The following NCAM1 variants were observed in gnomAD, a reference collection of about 807,000 sequenced individuals.
NCAM1 encodes neural cell adhesion molecule 1.
NCAM1 carries 14 observed loss-of-function variants against 109.8 expected under a neutral mutation model. The observed-to-expected ratio is 0.13, with a 90% CI of 0.08 to 0.20. NCAM1 has a LOEUF of 0.20. NCAM1 is among the 10% of genes least tolerant of loss of function. The pLI, the probability that NCAM1 is intolerant of heterozygous loss-of-function variation, is 1.00. For synonymous variants in NCAM1, 418 were observed against 442.9 expected (o/e 0.94, Z 0.70); for missense variants, 774 against 1,109.9 (o/e 0.70, Z 4.30).
In NCAM1 at chr11:112,978,074, G is replaced by A. The variant is rs368862318; in HGVS notation, c.52+16410G>A. On this transcript the variant is annotated intron_variant, in intron 1 of 19. Coordinates refer to ENST00000316851, the MANE Select transcript of NCAM1 (RefSeq NM_181351.5). Reference sequence around the variant, plus strand: ...AGGATCCTGAACGTTGGGGTGAAGAGGAAAGTGACTCATCTTTCTATGATG... The same window carrying A: ...AGGATCCTGAACGTTGGGGTGAAGAAGAAAGTGACTCATCTTTCTATGATG... 4.0e-5 allele frequency among the ~76,000 whole-genome samples: 6 copies of A among 151,872 alleles called. No individual in the cohort carries two copies. In the East Asian group the frequency reaches 9.7e-4, roughly 25 times the overall value.
chr11:113,055,224 G>A (rs1166994668), intron 1 of NCAM1, among the ~76,000 whole-genome samples: 2 of 151,940 alleles, frequency 1.3e-5, no homozygotes, highest in African/African-American at 4.8e-5. Context: ...TGTATTGTTG[G>A]CTATAAATTA....
intron 1 of NCAM1, among the ~76,000 whole-genome samples, chr11:112,973,128 CT>C (rs1180773633): frequency 1.3e-5 from 2 of 152,132 alleles, no homozygotes; most frequent in African/African-American, 4.8e-5. Context: ...ATTTCTAGAC[CT>C]TTAAAAAATG....
At chr11:113,140,120 A>T (rs1941760223) in intron 1 of NCAM1, among the ~76,000 whole-genome samples, 1 of 152,204 alleles carries the variant, frequency 6.6e-6, no homozygotes, top group Non-Finnish European at 1.5e-5. Flanking sequence ...AGATGAAGAA[A>T]CAGCGCCCAT....
At chr11:113,114,342 G>T (rs1555094392) in intron 1 of NCAM1, among the ~76,000 whole-genome samples, 1 of 152,194 alleles carries the variant, frequency 6.6e-6, no homozygotes, top group Non-Finnish European at 1.5e-5. Context: ...GGTGCATTGT[G>T]CTTGGACTGA....
chr11:113,269,957 C>T, intron 17 of NCAM1: 1 of 577,798 alleles, frequency 1.7e-6, no homozygotes, highest in East Asian at 2.9e-5. Context: ...AGGCTCACCC[C>T]TGTTCCCCAA....
chr11:113,117,071 A>G (rs1459964873), intron 1 of NCAM1, among the ~76,000 whole-genome samples: 3 of 151,936 alleles, frequency 2.0e-5, no homozygotes, highest in African/African-American at 7.3e-5. Context: ...ATTGGCCTTC[A>G]ATATTTCATG....
intron 1 of NCAM1, among the ~76,000 whole-genome samples, chr11:113,106,477 A>G (rs1311504457): frequency 6.6e-6 from 1 of 152,348 alleles, no homozygotes; most frequent in South Asian, 2.1e-4. Context: ...AAGATAAAAA[A>G]CAGTTGAGTT....
intron 14 of NCAM1, among the ~76,000 whole-genome samples, chr11:113,237,915 GAT>G (rs1945216166): frequency 2.0e-5 from 1 of 49,540 alleles, no homozygotes. Context: ...GATATATATA[GAT>G]ATATAGATAT....
intron 1 of NCAM1, among the ~76,000 whole-genome samples, chr11:112,972,391 C>G (rs1188780149): frequency 2.0e-5 from 3 of 152,012 alleles, no homozygotes; most frequent in Non-Finnish European, 4.4e-5. Context: ...ATGTAGCACA[C>G]AGAATGATAT....
chr11:112,997,442 C>T (rs1037261904), intron 1 of NCAM1, among the ~76,000 whole-genome samples: 1 of 151,986 alleles, frequency 6.6e-6, no homozygotes, highest in Non-Finnish European at 1.5e-5. Flanking sequence ...ATAAAATGGT[C>T]GTATGAAAAA....
intron 17 of NCAM1, chr11:113,263,902 C>G (rs570323267): frequency 1.0e-6 from 1 of 985,374 alleles, no homozygotes; most frequent in African/African-American, 1.7e-5. Context: ...TAAATTGGGG[C>G]CGAGCCAACC....
intron 1 of NCAM1, among the ~76,000 whole-genome samples, chr11:112,999,223 G>T (rs782022184): frequency 1.3e-5 from 2 of 152,120 alleles, no homozygotes; most frequent in African/African-American, 2.4e-5. Flanking sequence ...TTTCAGAAAA[G>T]ATTTCTCAAA....
intron 1 of NCAM1, among the ~76,000 whole-genome samples, chr11:112,974,648 C>T (rs1375626698): frequency 2.6e-5 from 4 of 151,942 alleles, no homozygotes; most frequent in South Asian, 2.1e-4. Context: ...ATTTAATTCT[C>T]CTATTTTCAG....
chr11:113,076,157 A>G (rs1555086082), intron 1 of NCAM1, among the ~76,000 whole-genome samples: 1 of 111,446 alleles, frequency 9.0e-6, no homozygotes, highest in African/African-American at 4.0e-5. Flanking sequence ...CACCAAACTC[A>G]GTGTCCCTGG....
chr11:113,200,412 C>G (rs782310805), intron 1 of NCAM1, among the ~76,000 whole-genome samples: 1 of 152,176 alleles, frequency 6.6e-6, no homozygotes, highest in East Asian at 1.9e-4. Flanking sequence ...TTCATGGGCT[C>G]TCTGTGTTCT....
At chr11:112,972,293 T>C (rs1209679827) in intron 1 of NCAM1, among the ~76,000 whole-genome samples, 3 of 152,154 alleles carry the variant, frequency 2.0e-5, no homozygotes, top group Admixed American at 6.5e-5. Flanking sequence ...TATTTTTATA[T>C]GTTCAGTGGA....
rs969120725 is a variant in NCAM1 at position 113,244,016 on chromosome 11, C to T, written c.1826-2352C>T. Reference sequence around the variant, plus strand: ...TTTCATTTTGTCAGCAGAGCAGAGCCGGTGACAACAGGCTGTGCTCGCATG... The same window carrying T: ...TTTCATTTTGTCAGCAGAGCAGAGCTGGTGACAACAGGCTGTGCTCGCATG... On this transcript the variant is annotated intron_variant, in intron 14 of 19. Transcript: ENST00000316851. Among the ~76,000 whole-genome samples, 5 of 151,904 alleles carry T rather than the reference C, an allele frequency of 3.3e-5. No individual in the cohort carries two copies. The South Asian group carries it at 6.2e-4, about 19-fold the overall frequency.
intron 1 of NCAM1, among the ~76,000 whole-genome samples, chr11:113,078,978 A>G (rs1243442350): frequency 6.6e-6 from 1 of 152,150 alleles, no homozygotes; most frequent in East Asian, 1.9e-4. Flanking sequence ...CGGGCTGGCT[A>G]CTGGGCCGAG....
At chr11:113,007,511 C>T (rs1555073527) in intron 1 of NCAM1, among the ~76,000 whole-genome samples, 1 of 152,176 alleles carries the variant, frequency 6.6e-6, no homozygotes. Context: ...GAAATCCAAG[C>T]TAAGGGACGT....
Sources: gnomAD v4.1 joint callset for allele counts (sites outside exome capture counted in the v4.1 genomes callset) on GRCh38, gnomAD v4.1.1 for gene constraint, MANE v1.5 for transcripts, NCBI Gene and HGNC (gene_info 2026-07-23, HGNC 2026-07-21) for gene names.